PPP4R3B: variants seen among roughly 807,000 people sequenced by gnomAD.
PPP4R3B encodes serine/threonine-protein phosphatase 4 regulatory subunit 3B.
A neutral mutation model predicts 95.4 loss-of-function variants in PPP4R3B; 52 were observed. The ratio of observed to expected loss-of-function variants is 0.54; its 90% CI spans 0.44 to 0.69. The LOEUF is 0.69. Among genes scored for constraint, PPP4R3B ranks in the 30% least tolerant of loss-of-function variants. PPP4R3B has a pLI of 0.00. For synonymous variants in PPP4R3B, 407 were observed against 343.9 expected (o/e 1.18, Z -2.03); for missense variants, 1,003 against 1,005.9 (o/e 1.00, Z 0.04).
chr2:55,569,584 CCT>C (rs900545626), intron 12 of PPP4R3B, among the ~76,000 whole-genome samples: 2 of 152,324 alleles, frequency 1.3e-5, no homozygotes, highest in East Asian at 1.9e-4. Flanking sequence ...CTCTCTTTCT[CCT>C]CTCTCTGCCT....
intron 8 of PPP4R3B, among the ~76,000 whole-genome samples, chr2:55,580,168 T>C (rs1026407158): frequency 6.6e-6 from 1 of 152,138 alleles, no homozygotes; most frequent in Non-Finnish European, 1.5e-5. Context: ...GAAGAACCAA[T>C]CTATTGTACA....
intron 2 of PPP4R3B, among the ~76,000 whole-genome samples, chr2:55,606,351 A>T (rs1693389362): frequency 6.6e-6 from 1 of 152,190 alleles, no homozygotes; most frequent in Non-Finnish European, 1.5e-5. Flanking sequence ...CTTAAGGCAT[A>T]GTATACCCAA....
intron 12 of PPP4R3B, among the ~76,000 whole-genome samples, chr2:55,570,077 C>T (rs1687816576): frequency 6.6e-6 from 1 of 152,042 alleles, no homozygotes. Flanking sequence ...TGGTGAAACC[C>T]CGTCTTTACT....
intron 4 of PPP4R3B, among the ~76,000 whole-genome samples, chr2:55,595,511 G>A (rs373325888): frequency 5.9e-5 from 9 of 151,356 alleles, no homozygotes; most frequent in Admixed American, 2.6e-4. Flanking sequence ...ACCAAGACTC[G>A]TGAAAATATT....
At position 55,584,448 on chromosome 2, in the gene PPP4R3B, C is replaced by G. The variant is rs556255063; in HGVS notation, c.1233+603G>C. 5.6e-4 allele frequency among the ~76,000 whole-genome samples: 85 copies of G among 152,202 alleles called. 1 individual carries two copies. Among genetic ancestry groups the G allele is most frequent in the African/African-American group, 1.9e-3 (79 of 41,528 alleles). On this transcript the variant is annotated intron_variant, in intron 7 of 16. Transcript: ENST00000616407. ...GTGAGATTTTGGGGCACCCATCACC[C>G]AAGCAGTATACACTGCACCCTATTT...
chr2:55,565,525 G>A (rs914384002), intron 13 of PPP4R3B, among the ~76,000 whole-genome samples: 3 of 151,968 alleles, frequency 2.0e-5, no homozygotes, highest in African/African-American at 4.8e-5. Flanking sequence ...AAATACTCAC[G>A]GTGATGGATA....
At chr2:55,603,272 C>T (rs1438648878) in intron 3 of PPP4R3B, among the ~76,000 whole-genome samples, 2 of 152,072 alleles carry the variant, frequency 1.3e-5, no homozygotes, top group Non-Finnish European at 2.9e-5. Context: ...CACTTATATC[C>T]AAGAACATGT....
intron 6 of PPP4R3B, 44 bp from the exon 7 acceptor site, chr2:55,585,211 G>C: frequency 7.2e-7 from 1 of 1,390,138 alleles, no homozygotes; most frequent in Non-Finnish European, 9.8e-7. Flanking sequence ...GTTAACAAAA[G>C]TTATTCTCAC....
At chr2:55,594,297 T>TAAAAAAAAAAAA (rs1485609247) in intron 4 of PPP4R3B, among the ~76,000 whole-genome samples, 1 of 66,860 alleles carries the variant, frequency 1.5e-5, no homozygotes, top group Non-Finnish European at 3.7e-5. Flanking sequence ...CCTCTGAATC[T>TAAAAAAAAAAAA]AAAATAAAAA....
Position 55,581,564 on chromosome 2 carries a change from T to C in PPP4R3B, c.1365+3A>G, listed in dbSNP as rs1348762966. The stretch of plus-strand genomic sequence containing the variant: ...ACATTTTTATCTCAGAGTAATTTCT[T>C]ACATTAGTTGTAGCCAGCATGTTCT... On this transcript the variant is annotated splice_donor_region_variant and intron_variant, in intron 8 of 16. Transcript: ENST00000616407. 1.9e-6 allele frequency: 3 copies of C among 1,607,210 alleles called. No individual in the cohort carries two copies. The highest frequency in any genetic ancestry group is 2.5e-6 in the Non-Finnish European group (3 of 1,177,568).
chr2:55,551,477 G>A (rs759591427), intron 16 of PPP4R3B, among the ~76,000 whole-genome samples: 5 of 152,174 alleles, frequency 3.3e-5, no homozygotes, highest in South Asian at 2.1e-4. Flanking sequence ...ATGGCCAGGC[G>A]CAGTGGCTCA....
chr2:55,615,568 A>C, intron 1 of PPP4R3B, 62 bp from the exon 2 acceptor site: 1 of 1,250,730 alleles, frequency 8.0e-7, no homozygotes, highest in African/African-American at 1.5e-5. Flanking sequence ...TAAAAATTAG[A>C]ATACACATTA....
intron 12 of PPP4R3B, among the ~76,000 whole-genome samples, chr2:55,571,433 C>T (rs531276847): frequency 1.3e-5 from 2 of 151,788 alleles, no homozygotes; most frequent in Non-Finnish European, 2.9e-5. Context: ...TCAAACATTC[C>T]AAAATTAATA....
chr2:55,578,353 A>T lies in PPP4R3B; in HGVS notation c.1469-11T>A. Reference sequence around the variant, plus strand: ...GTTTTAAAAAAAAATCTGAAAAAAAATATGGCAAGTTAGTTTTGATAAAGC... The same window carrying T: ...GTTTTAAAAAAAAATCTGAAAAAAATTATGGCAAGTTAGTTTTGATAAAGC... On this transcript the variant is annotated splice_polypyrimidine_tract_variant and intron_variant, in intron 9 of 16. Transcript: ENST00000616407. The T allele has an allele frequency of 7.3e-7, 1 of 1,371,450 alleles. No homozygotes were observed. The highest frequency in any genetic ancestry group is 9.5e-7 in the Non-Finnish European group (1 of 1,056,328). The allele number at this position is 1,371,450 out of a possible 1,614,324, so 85.0% of individuals were successfully genotyped here. A position where few individuals can be genotyped will look rare whatever the true frequency, so the allele number is the denominator to read the frequency against.
At chr2:55,570,512 C>A (rs141214545) in intron 12 of PPP4R3B, among the ~76,000 whole-genome samples, 1 of 152,156 alleles carries the variant, frequency 6.6e-6, no homozygotes. Flanking sequence ...TGCTAAAAAT[C>A]TTATGGAACA....
intron 4 of PPP4R3B, among the ~76,000 whole-genome samples, chr2:55,594,646 A>G (rs564375418): frequency 6.6e-6 from 1 of 152,330 alleles, no homozygotes; most frequent in Admixed American, 6.5e-5. Flanking sequence ...TGAAAGCTAC[A>G]TATGAGCTTC....
intron 10 of PPP4R3B, 68 bp downstream of exon 10, chr2:55,578,178 TA>T (rs1688944577): frequency 1.6e-6 from 2 of 1,248,006 alleles, no homozygotes; most frequent in African/African-American, 1.6e-5. Context: ...ACAAGAAAAA[TA>T]ATACCGTATA....
At chr2:55,610,471 T>C (rs979670476) in intron 2 of PPP4R3B, among the ~76,000 whole-genome samples, 4 of 152,188 alleles carry the variant, frequency 2.6e-5, no homozygotes, top group Admixed American at 1.3e-4. Context: ...TTGTAGCAAG[T>C]GTATTTCCTT....
rs151277909 is a variant in PPP4R3B, at chr2:55,565,310, G to GTATA, written c.1936-273_1936-270dup. On this transcript the variant is annotated intron_variant, in intron 13 of 16. Coordinates refer to ENST00000616407, the MANE Select transcript of PPP4R3B (RefSeq NM_001122964.3). The stretch of plus-strand genomic sequence containing the variant: ...ATTTATTTTACATCTTCTATTTTTT[G>GTATA]TATATATATATATATATATAGCAGT... 5.8e-3 allele frequency among the ~76,000 whole-genome samples: 845 copies of GTATA among 145,062 alleles called. 2 individuals carry two copies. Among genetic ancestry groups the GTATA allele is most frequent in the Middle Eastern group, 0.025 (7 of 276 alleles).
Sources: allele counts gnomAD v4.1 joint callset (sites outside exome capture counted in the v4.1 genomes callset), GRCh38; gene constraint gnomAD v4.1.1; transcripts MANE v1.5; gene names NCBI Gene and HGNC (gene_info 2026-07-23, HGNC 2026-07-21).